Variants in SNTG1 observed in about 807,000 individuals in gnomAD.
The protein encoded by SNTG1 is gamma-1-syntrophin.
A neutral mutation model predicts 74.7 loss-of-function variants in SNTG1; 39 were observed. The observed-to-expected ratio is 0.52, with a 90% CI of 0.40 to 0.68. The LOEUF is 0.68. Among genes scored for constraint, SNTG1 ranks in the 30% least tolerant of loss-of-function variants. The pLI is 0.00. For synonymous variants in SNTG1, 254 were observed against 217.1 expected (o/e 1.17, Z -1.49); for missense variants, 685 against 609.5 (o/e 1.12, Z -1.30).
intron 1 of SNTG1, among the ~76,000 whole-genome samples, chr8:50,076,957 T>A (rs936695762): frequency 6.6e-6 from 1 of 152,204 alleles, no homozygotes; most frequent in Non-Finnish European, 1.5e-5. Flanking sequence ...GGAAGTATAG[T>A]TGTCAGTGAC....
chr8:50,225,516 C>T (rs577092546), intron 2 of SNTG1, among the ~76,000 whole-genome samples: 2 of 152,178 alleles, frequency 1.3e-5, no homozygotes, highest in Non-Finnish European at 2.9e-5. Flanking sequence ...GCTCATCTTA[C>T]ATGTATTGAT....
At chr8:50,088,171 C>T (rs1416255059) in intron 1 of SNTG1, among the ~76,000 whole-genome samples, 1 of 151,466 alleles carries the variant, frequency 6.6e-6, no homozygotes, top group African/African-American at 2.4e-5. Context: ...TTTCTTAATC[C>T]AGTGTATCAT....
intron 12 of SNTG1, among the ~76,000 whole-genome samples, chr8:50,571,182 G>A (rs896048352): frequency 6.6e-6 from 1 of 152,084 alleles, no homozygotes; most frequent in African/African-American, 2.4e-5. Context: ...CAGCAGCCGT[G>A]GAACTATGAC....
At chr8:49,929,353 A>G (rs1209870274) in intron 1 of SNTG1, among the ~76,000 whole-genome samples, 1 of 152,154 alleles carries the variant, frequency 6.6e-6, no homozygotes, top group Admixed American at 6.5e-5. Flanking sequence ...CTGGCCTCTT[A>G]CTCAATGGTA....
intron 15 of SNTG1, among the ~76,000 whole-genome samples, chr8:50,675,469 A>G (rs892101369): frequency 2.0e-5 from 3 of 151,156 alleles, no homozygotes; most frequent in African/African-American, 7.3e-5. Context: ...TTTTTCAGAG[A>G]CTAGGATTGC....
chr8:50,076,456 A>G (rs1045461141), intron 1 of SNTG1, among the ~76,000 whole-genome samples: 1 of 152,216 alleles, frequency 6.6e-6, no homozygotes, highest in African/African-American at 2.4e-5. Context: ...CTTTCCAAGA[A>G]GAACCATTTT....
intron 15 of SNTG1, among the ~76,000 whole-genome samples, chr8:50,691,364 C>A (rs1244076510): frequency 6.6e-6 from 1 of 152,122 alleles, no homozygotes; most frequent in East Asian, 1.9e-4. Context: ...TACAATTTGG[C>A]ATATTTTTGC....
intron 1 of SNTG1, among the ~76,000 whole-genome samples, chr8:50,035,495 G>A (rs1256861690): frequency 6.6e-6 from 1 of 152,116 alleles, no homozygotes; most frequent in Non-Finnish European, 1.5e-5. Flanking sequence ...TGGCACATGA[G>A]CAAAAATGTG....
chr8:50,514,975 ATCTT>A (rs2094118845), intron 9 of SNTG1, among the ~76,000 whole-genome samples: 1 of 152,168 alleles, frequency 6.6e-6, no homozygotes, highest in Non-Finnish European at 1.5e-5. Flanking sequence ...ATTATAAAAT[ATCTT>A]TCTTTGTGAA....
Position 50,442,892 on chromosome 8 carries a change from G to A in SNTG1, c.219+4293G>A, listed in dbSNP as rs574397612. On this transcript the variant is annotated intron_variant, in intron 5 of 18. Coordinates refer to ENST00000642720, the MANE Select transcript of SNTG1 (RefSeq NM_018967.5). Reference sequence around the variant, plus strand: ...AGCAGGCTAGTGGCATCCTGCACATGGCCTCGGGCCTGGCTGCTTTTCCCT... The same window carrying A: ...AGCAGGCTAGTGGCATCCTGCACATAGCCTCGGGCCTGGCTGCTTTTCCCT... 2.8e-3 allele frequency among the ~76,000 whole-genome samples: 422 copies of A among 152,212 alleles called. 3 individuals carry two copies. Among genetic ancestry groups the A allele is most frequent in the Middle Eastern group, 0.01 (3 of 292 alleles).
chr8:50,274,465 A>G lies in SNTG1; in HGVS notation c.-28+101830A>G, dbSNP rs548267284. ...TTTGTCTATTATTGGGATTTTTTAC[A>G]TATATAATTATACTATCTGTGGAAA... On this transcript the variant is annotated intron_variant, in intron 2 of 18. Coordinates refer to ENST00000642720, the MANE Select transcript of SNTG1 (RefSeq NM_018967.5). Among the ~76,000 whole-genome samples, 48 of 152,152 alleles carry G rather than the reference A, an allele frequency of 3.2e-4. 1 individual carries two copies. Among genetic ancestry groups the G allele is most frequent in the Non-Finnish European group, 2.5e-4 (17 of 68,020 alleles).
chr8:50,690,435 C>G (rs1054934157), intron 15 of SNTG1, among the ~76,000 whole-genome samples: 1 of 152,144 alleles, frequency 6.6e-6, no homozygotes, highest in Non-Finnish European at 1.5e-5. Flanking sequence ...CCCAGAGTTT[C>G]TGGTATGTTG....
At chr8:50,080,049 A>T (rs1305329989) in intron 1 of SNTG1, among the ~76,000 whole-genome samples, 1 of 151,888 alleles carries the variant, frequency 6.6e-6, no homozygotes, top group Non-Finnish European at 1.5e-5. Flanking sequence ...TTCTAATTTC[A>T]TTTTCTAATG....
At chr8:50,364,939 C>T (rs991170435) in intron 2 of SNTG1, among the ~76,000 whole-genome samples, 4 of 151,892 alleles carry the variant, frequency 2.6e-5, no homozygotes, top group African/African-American at 7.3e-5. Context: ...TCATTTAAGG[C>T]TTTTTGCAAA....
chr8:50,717,793 C>A (rs532656116), intron 17 of SNTG1, among the ~76,000 whole-genome samples: 1 of 152,288 alleles, frequency 6.6e-6, no homozygotes, highest in South Asian at 2.1e-4. Context: ...CACAGTGAGA[C>A]TTGCATGATG....
intron 2 of SNTG1, among the ~76,000 whole-genome samples, chr8:50,210,645 G>A (rs912703796): frequency 6.6e-6 from 1 of 152,094 alleles, no homozygotes. Context: ...ATAAGTGAAG[G>A]AGAAGTAAAT....
At chr8:50,674,482 T>C (rs755182494) in intron 15 of SNTG1, among the ~76,000 whole-genome samples, 2 of 152,166 alleles carry the variant, frequency 1.3e-5, no homozygotes, top group Non-Finnish European at 2.9e-5. Context: ...TAGTATTCTC[T>C]GATGGTAGTT....
At chr8:50,578,772 T>C (rs1295159060) in intron 12 of SNTG1, among the ~76,000 whole-genome samples, 1 of 152,176 alleles carries the variant, frequency 6.6e-6, no homozygotes, top group Non-Finnish European at 1.5e-5. Context: ...TTTGCCATAA[T>C]TGTGTTTCCT....
chr8:50,603,044 A>T (rs1372193993), intron 13 of SNTG1, among the ~76,000 whole-genome samples: 1 of 151,824 alleles, frequency 6.6e-6, no homozygotes, highest in South Asian at 2.1e-4. Flanking sequence ...TTGTACTTGA[A>T]TGTTATCTTT....
Sources: allele counts gnomAD v4.1 joint callset (sites outside exome capture counted in the v4.1 genomes callset), GRCh38; gene constraint gnomAD v4.1.1; transcripts MANE v1.5; gene names NCBI Gene and HGNC (gene_info 2026-07-23, HGNC 2026-07-21).